The following XKR4 variants were observed in gnomAD, a reference collection of about 807,000 sequenced individuals.
XKR4 encodes XK related 4, also known as XK-related protein 4.
XKR4 carries 12 observed loss-of-function variants against 53.9 expected under a neutral mutation model. The ratio of observed to expected loss-of-function variants is 0.22; its 90% CI spans 0.14 to 0.36. The LOEUF (loss-of-function observed/expected upper bound fraction) is 0.36. XKR4 is among the 10% of genes least tolerant of loss of function. The pLI is 1.00. For synonymous variants in XKR4, 354 were observed against 362.4 expected (o/e 0.98, Z 0.26); for missense variants, 799 against 859.5 (o/e 0.93, Z 0.88).
At chr8:55,460,440 G>C (rs145795499) in intron 2 of XKR4, among the ~76,000 whole-genome samples, 3 of 152,292 alleles carry the variant, frequency 2.0e-5, no homozygotes, top group African/African-American at 7.2e-5. Flanking sequence ...CATCAATAAG[G>C]CTGTTTTAGA....
At chr8:55,465,256 C>T (rs1010238842) in intron 2 of XKR4, among the ~76,000 whole-genome samples, 2 of 152,088 alleles carry the variant, frequency 1.3e-5, no homozygotes, top group Non-Finnish European at 2.9e-5. Context: ...GCTACAGTAA[C>T]CAAAACAGCA....
intron 2 of XKR4, among the ~76,000 whole-genome samples, chr8:55,410,285 G>A (rs998950041): frequency 1.3e-5 from 2 of 151,972 alleles, no homozygotes; most frequent in Admixed American, 6.5e-5. Context: ...ACTGATTTCC[G>A]GGTCCATCCA....
At chr8:55,382,344 C>A (rs1444491837) in intron 2 of XKR4, among the ~76,000 whole-genome samples, 1 of 152,154 alleles carries the variant, frequency 6.6e-6, no homozygotes, top group Non-Finnish European at 1.5e-5. Flanking sequence ...TTTTCAAAAG[C>A]AGTTGTGCAT....
chr8:55,302,762 T>C (rs1819222826), intron 1 of XKR4, among the ~76,000 whole-genome samples: 1 of 152,232 alleles, frequency 6.6e-6, no homozygotes, highest in Non-Finnish European at 1.5e-5. Context: ...GAAGCAATTG[T>C]GAATGGGAGT....
chr8:55,108,540 C>G (rs184822430), intron 1 of XKR4, among the ~76,000 whole-genome samples: 46 of 152,116 alleles, frequency 3.0e-4, no homozygotes, highest in Non-Finnish European at 5.1e-4. Context: ...ATAGACCCAT[C>G]ATAATGGGAG....
chr8:55,127,583 T>A lies in XKR4; in HGVS notation c.806+24289T>A, dbSNP rs544485673. ...CCTAACTCTTTTTTTTTTTTAATTT[T>A]ATTTTATTATTATTATACTTTAAGT... On this transcript the variant is annotated intron_variant, in intron 1 of 2. Coordinates refer to ENST00000327381, the MANE Select transcript of XKR4 (RefSeq NM_052898.2). Among the ~76,000 whole-genome samples the A allele has an allele frequency of 6.1e-3, 922 of 151,754 alleles. 1 individual carries two copies. The highest frequency in any genetic ancestry group is 0.011 in the African/African-American group (442 of 41,476).
chr8:55,201,683 C>A (rs1817578347), intron 1 of XKR4, among the ~76,000 whole-genome samples: 1 of 152,130 alleles, frequency 6.6e-6, no homozygotes, highest in Admixed American at 6.5e-5. Context: ...AAGTTTTAGA[C>A]CTGTTTCTGG....
intron 1 of XKR4, among the ~76,000 whole-genome samples, chr8:55,229,842 G>A (rs1004876830): frequency 6.6e-6 from 1 of 151,570 alleles, no homozygotes; most frequent in African/African-American, 2.4e-5. Flanking sequence ...CCTCAAAGCC[G>A]GTATAACTAT....
chr8:55,387,525 C>T (rs943227712), intron 2 of XKR4, among the ~76,000 whole-genome samples: 15 of 152,198 alleles, frequency 9.9e-5, no homozygotes, highest in Non-Finnish European at 2.1e-4. Context: ...TGGTCAGCAA[C>T]CTGCTTCTCC....
At chr8:55,357,094 A>G (rs1803805404) in intron 1 of XKR4, among the ~76,000 whole-genome samples, 1 of 152,218 alleles carries the variant, frequency 6.6e-6, no homozygotes, top group South Asian at 2.1e-4. Context: ...GTCAAAAATT[A>G]TATGCAGATT....
intron 1 of XKR4, among the ~76,000 whole-genome samples, chr8:55,282,902 T>C (rs1818861119): frequency 6.6e-6 from 1 of 152,238 alleles, no homozygotes; most frequent in Admixed American, 6.5e-5. Context: ...GTCATGGTAC[T>C]ATGAATGTAT....
intron 2 of XKR4, among the ~76,000 whole-genome samples, chr8:55,438,612 G>A (rs1182091929): frequency 6.9e-6 from 1 of 144,502 alleles, no homozygotes; most frequent in Non-Finnish European, 1.5e-5. Context: ...AAAAAAGAGA[G>A]AGAGACTTAT....
At chr8:55,190,059 C>T (rs1406524445) in intron 1 of XKR4, among the ~76,000 whole-genome samples, 1 of 152,194 alleles carries the variant, frequency 6.6e-6, no homozygotes, top group Non-Finnish European at 1.5e-5. Context: ...ACTGAATCCA[C>T]CTGAAACATT....
chr8:55,180,462 G>T (rs1481481990), intron 1 of XKR4, among the ~76,000 whole-genome samples: 1 of 152,180 alleles, frequency 6.6e-6, no homozygotes, highest in Non-Finnish European at 1.5e-5. Flanking sequence ...TAGCTCAGGG[G>T]TGTCAGTGTG....
chr8:55,277,968 T>C (rs927483641), intron 1 of XKR4, among the ~76,000 whole-genome samples: 1 of 152,270 alleles, frequency 6.6e-6, no homozygotes, highest in East Asian at 1.9e-4. Context: ...CAATTGTGAC[T>C]GGACTTAATT....
chr8:55,195,654 G>A (rs1264971988), intron 1 of XKR4, among the ~76,000 whole-genome samples: 6 of 152,108 alleles, frequency 3.9e-5, no homozygotes, highest in South Asian at 2.1e-4. Flanking sequence ...AATTAAAATT[G>A]TAGAAGTTAA....
At chr8:55,455,126 G>T in intron 2 of XKR4, 1 of 630,322 alleles carries the variant, frequency 1.6e-6, no homozygotes, top group Middle Eastern at 4.1e-4. Flanking sequence ...GAAGTAGTCT[G>T]TGATCCGCGC....
At chr8:55,334,177 G>C (rs569455567) in intron 1 of XKR4, among the ~76,000 whole-genome samples, 110 of 152,276 alleles carry the variant, frequency 7.2e-4, no homozygotes, top group Non-Finnish European at 1.4e-3. Context: ...AGAGAGGACT[G>C]AATAACCTAG....
rs187417848 is a variant in XKR4 at position 55,267,232 on chromosome 8, A to T, written c.807-90446A>T. On this transcript the variant is annotated intron_variant, in intron 1 of 2. Coordinates refer to ENST00000327381, the MANE Select transcript of XKR4 (RefSeq NM_052898.2). The stretch of plus-strand genomic sequence containing the variant: ...GGAATATCCAAACTAGAGAAAAAAA[A>T]ACCTATGGGTTACTATATGGTGGGC... 3.6e-4 allele frequency among the ~76,000 whole-genome samples: 55 copies of T among 152,300 alleles called. No homozygotes were observed. The East Asian group carries it at 7.5e-3, about 21-fold the overall frequency.
Sources: gnomAD v4.1 joint callset for allele counts (sites outside exome capture counted in the v4.1 genomes callset) on GRCh38, gnomAD v4.1.1 for gene constraint, MANE v1.5 for transcripts, NCBI Gene and HGNC (gene_info 2026-07-23, HGNC 2026-07-21) for gene names.